Variants in NAALADL2 observed in about 807,000 individuals in gnomAD.
NAALADL2 encodes the protein inactive N-acetylated-alpha-linked acidic dipeptidase-like protein 2.
A neutral mutation model predicts 87.2 loss-of-function variants in NAALADL2; 76 were observed. The ratio of observed to expected loss-of-function variants is 0.87; its 90% CI spans 0.72 to 1.05. The LOEUF (loss-of-function observed/expected upper bound fraction) is 1.05. Among genes scored for constraint, NAALADL2 ranks in the 50% least tolerant of loss-of-function variants. The pLI is 0.00. For missense variants in NAALADL2, 1,089 were observed against 945.8 expected (o/e 1.15, Z -1.99); for synonymous variants, 354 against 331.0 (o/e 1.07, Z -0.75).
At chr3:174,647,991 T>C (rs1221884025) in intron 2 of NAALADL2, among the ~76,000 whole-genome samples, 1 of 152,174 alleles carries the variant, frequency 6.6e-6, no homozygotes, top group African/African-American at 2.4e-5. Flanking sequence ...ACTATAGTCC[T>C]GTTACACAAA....
intron 10 of NAALADL2, among the ~76,000 whole-genome samples, chr3:175,626,004 GA>G (rs1378308155): frequency 2.0e-5 from 3 of 152,064 alleles, no homozygotes; most frequent in South Asian, 2.1e-4. Flanking sequence ...TATTCTTTCT[GA>G]AAAACATGCA....
chr3:174,963,886 T>G (rs1317984461), intron 1 of NAALADL2, among the ~76,000 whole-genome samples: 1 of 152,094 alleles, frequency 6.6e-6, no homozygotes, highest in Non-Finnish European at 1.5e-5. Context: ...TTTCAATTAT[T>G]TACATGAAGA....
intron 1 of NAALADL2, among the ~76,000 whole-genome samples, chr3:174,925,346 G>C (rs979769821): frequency 6.6e-6 from 1 of 152,090 alleles, no homozygotes; most frequent in Admixed American, 6.5e-5. Context: ...CCCATTTCTT[G>C]TTTTTGTCAG....
intron 3 of NAALADL2, among the ~76,000 whole-genome samples, chr3:174,800,562 G>C (rs1718701875): frequency 6.6e-6 from 1 of 152,200 alleles, no homozygotes; most frequent in Non-Finnish European, 1.5e-5. Flanking sequence ...GGGCAATGCA[G>C]AAGGGAGATG....
chr3:175,405,016 A>T (rs893305608), intron 5 of NAALADL2, among the ~76,000 whole-genome samples: 11 of 152,194 alleles, frequency 7.2e-5, no homozygotes, highest in Admixed American at 4.6e-4. Context: ...AAAACTTATT[A>T]CTTAATAGTA....
chr3:175,445,993 G>A (rs1044943486), intron 5 of NAALADL2, among the ~76,000 whole-genome samples: 2 of 152,096 alleles, frequency 1.3e-5, no homozygotes, highest in African/African-American at 4.8e-5. Flanking sequence ...CTTACTTAAG[G>A]ATAACAAAAT....
rs190690830 is a variant in NAALADL2, at chr3:174,881,805, C to T, written c.43+22355C>T. 4.6e-5 allele frequency among the ~76,000 whole-genome samples: 7 copies of T among 152,002 alleles called. 1 individual carries two copies. Among genetic ancestry groups the T allele is most frequent in the Admixed American group, 3.9e-4 (6 of 15,250 alleles). ...AGGAACATTCTCTAGAAATCTGGGT[C>T]GGATAAGTATGTGCAGAGAACAAGA... On this transcript the variant is annotated intron_variant, in intron 1 of 13. Coordinates refer to ENST00000454872, the MANE Select transcript of NAALADL2 (RefSeq NM_207015.3).
intron 2 of NAALADL2, among the ~76,000 whole-genome samples, chr3:174,554,691 A>G (rs982210253): frequency 3.9e-5 from 6 of 152,216 alleles, no homozygotes; most frequent in African/African-American, 1.4e-4. Context: ...TTTTCTCCAT[A>G]AAAGATTGTA....
intron 1 of NAALADL2, among the ~76,000 whole-genome samples, chr3:175,062,737 A>G (rs1338674167): frequency 6.6e-6 from 1 of 152,160 alleles, no homozygotes; most frequent in Non-Finnish European, 1.5e-5. Flanking sequence ...TTTAACTATC[A>G]TATGTATGTT....
chr3:174,888,129 A>G (rs773095746), intron 1 of NAALADL2, among the ~76,000 whole-genome samples: 1 of 152,214 alleles, frequency 6.6e-6, no homozygotes, highest in African/African-American at 2.4e-5. Flanking sequence ...AAGTATCCCT[A>G]GCAGAGAAAA....
intron 10 of NAALADL2, among the ~76,000 whole-genome samples, chr3:175,582,918 T>C (rs1050426153): frequency 1.3e-5 from 2 of 152,168 alleles, no homozygotes; most frequent in African/African-American, 4.8e-5. Context: ...TTCTGGAGTT[T>C]TGTGGACTTT....
At chr3:175,615,028 T>C (rs1207353046) in intron 10 of NAALADL2, among the ~76,000 whole-genome samples, 1 of 152,182 alleles carries the variant, frequency 6.6e-6, no homozygotes, top group Non-Finnish European at 1.5e-5. Flanking sequence ...TCTCAATTTA[T>C]TTCATGAGAG....
chr3:175,780,076 G>A (rs1750817435), intron 13 of NAALADL2, among the ~76,000 whole-genome samples: 1 of 151,618 alleles, frequency 6.6e-6, no homozygotes, highest in Non-Finnish European at 1.5e-5. Context: ...AGACCATCCT[G>A]GTTAACACGG....
At chr3:174,950,553 G>A (rs1268593233) in intron 1 of NAALADL2, among the ~76,000 whole-genome samples, 1 of 151,880 alleles carries the variant, frequency 6.6e-6, no homozygotes, top group Non-Finnish European at 1.5e-5. Flanking sequence ...TTTAAATCTG[G>A]GCTTTGATAC....
intron 11 of NAALADL2, among the ~76,000 whole-genome samples, chr3:175,704,367 C>A (rs1739386431): frequency 6.6e-6 from 1 of 152,134 alleles, no homozygotes; most frequent in Non-Finnish European, 1.5e-5. Flanking sequence ...TCAGTAACAG[C>A]TACTTCAAAG....
chr3:174,558,553 T>A (rs940074079), intron 2 of NAALADL2, among the ~76,000 whole-genome samples: 3 of 152,042 alleles, frequency 2.0e-5, no homozygotes, highest in Non-Finnish European at 4.4e-5. Context: ...GGGCACACAA[T>A]CTAGATCTCT....
At chr3:175,240,812 C>T (rs1560214745) in intron 3 of NAALADL2, among the ~76,000 whole-genome samples, 1 of 151,990 alleles carries the variant, frequency 6.6e-6, no homozygotes, top group Non-Finnish European at 1.5e-5. Flanking sequence ...TGTGCCACCA[C>T]ACCCGGCTAA....
intron 2 of NAALADL2, among the ~76,000 whole-genome samples, chr3:175,232,149 GGAA>G (rs750295878): frequency 5.8e-4 from 87 of 150,234 alleles, no homozygotes; most frequent in Non-Finnish European, 8.7e-4. Context: ...AAGAGGAAGA[GGAA>G]GAAGAAGGGG....
At chr3:175,487,525 C>A (rs1280800765) in intron 9 of NAALADL2, 1 of 456,630 alleles carries the variant, frequency 2.2e-6, no homozygotes, top group South Asian at 1.5e-5. Context: ...TTTCTTCCTC[C>A]AGGAACCTTA....
Sources: allele counts gnomAD v4.1 joint callset (sites outside exome capture counted in the v4.1 genomes callset), GRCh38; gene constraint gnomAD v4.1.1; transcripts MANE v1.5; gene names NCBI Gene and HGNC (gene_info 2026-07-23, HGNC 2026-07-21).